Variants in ERN1 observed in about 807,000 individuals in gnomAD.
The protein encoded by ERN1 is serine/threonine-protein kinase/endoribonuclease IRE1.
In ERN1, 39 loss-of-function variants were observed where a neutral mutation model predicts 113.1. The observed-to-expected ratio is 0.34, with a 90% CI of 0.27 to 0.45. The LOEUF is 0.45. Ranked by LOEUF, ERN1 falls within the 20% of genes least tolerant of loss-of-function variation. ERN1 has a pLI of 1.00. For missense variants in ERN1, 976 were observed against 1,274.8 expected (o/e 0.77, Z 3.57); for synonymous variants, 507 against 515.9 (o/e 0.98, Z 0.23).
At chr17:64,045,003 G>T in intron 20 of ERN1, 76 bp from the exon 21 acceptor site, 1 of 1,093,912 alleles carries the variant, frequency 9.1e-7, no homozygotes. Flanking sequence ...AATTCATGGG[G>T]TCCTGGGATT....
In ERN1 at chr17:64,054,029, T is replaced by C. The variant is rs987676104; in HGVS notation, c.1953+221A>G. On this transcript the variant is annotated intron_variant, in intron 15 of 21. Coordinates refer to ENST00000433197, the MANE Select transcript of ERN1 (RefSeq NM_001433.5). This position sits in a 1 kb window ranked among gnomAD's most constrained non-coding sequence, Gnocchi z 4.9. ...ATCACTGCTTACTGCAGCCTTGATC[T>C]CCCAGGCTCAAGCAATCTTCCCACC... is the stretch of plus-strand genomic sequence containing the variant. 6.3e-6 allele frequency: 3 copies of C among 476,414 alleles called. No individual in the cohort carries two copies. The highest frequency in any genetic ancestry group is 5.8e-5 in the African/African-American group (3 of 51,300). 29.5% of individuals were successfully genotyped at this position (476,414 alleles called of 1,614,324 possible). A position where few individuals can be genotyped will look rare whatever the true frequency, so the allele number is the denominator to read the frequency against.
intron 2 of ERN1, among the ~76,000 whole-genome samples, chr17:64,094,282 G>T (rs1914167977): frequency 6.6e-6 from 1 of 152,110 alleles, no homozygotes. Flanking sequence ...TCCTGCACTT[G>T]TCTCCATCTG....
chr17:64,094,626 CTTT>C (rs58195537), intron 2 of ERN1, among the ~76,000 whole-genome samples: 1 of 136,426 alleles, frequency 7.3e-6, no homozygotes, highest in Non-Finnish European at 1.6e-5. Flanking sequence ...CCCATCCTTT[CTTT>C]TTTTTTTTTT....
intron 2 of ERN1, among the ~76,000 whole-genome samples, chr17:64,093,927 T>C (rs1344130141): frequency 6.6e-6 from 1 of 152,154 alleles, no homozygotes; most frequent in Non-Finnish European, 1.5e-5. Flanking sequence ...GAGAAATCGA[T>C]GAAGGTATTT....
chr17:64,096,744 TTGAC>T (rs1283810915), intron 2 of ERN1, among the ~76,000 whole-genome samples: 1 of 152,216 alleles, frequency 6.6e-6, no homozygotes, highest in Non-Finnish European at 1.5e-5. Flanking sequence ...ATTCTTATGT[TTGAC>T]TAAGTAACGG....
intron 2 of ERN1, among the ~76,000 whole-genome samples, chr17:64,082,961 A>T (rs1913813980): frequency 1.3e-5 from 2 of 152,212 alleles, no homozygotes; most frequent in South Asian, 4.1e-4. Context: ...AGCCTCTTCA[A>T]AGCTGCAGCC....
intron 6 of ERN1, 55 bp from the exon 7 acceptor site, chr17:64,068,346 G>T: frequency 8.1e-7 from 1 of 1,228,956 alleles, no homozygotes. Flanking sequence ...AGTACCTACT[G>T]AGGTGTGGTC....
chr17:64,081,500 G>A (rs1258631985), intron 2 of ERN1, among the ~76,000 whole-genome samples: 1 of 152,170 alleles, frequency 6.6e-6, no homozygotes, highest in Non-Finnish European at 1.5e-5. Flanking sequence ...AGGCTTCTAA[G>A]AGGGCTAATA....
rs773655917 is a variant in ERN1 at position 64,086,637 on chromosome 17, C to CTTTTTTT, written c.176-5836_176-5830dup. The stretch of plus-strand genomic sequence containing the variant: ...CATTTCTTTTTTTTTCTTTTCTTTC[C>CTTTTTTT]TTTTTTTTTTTTTTTTTTTTTTTTT... On this transcript the variant is annotated intron_variant, in intron 2 of 21. Transcript: ENST00000433197. Among the ~76,000 whole-genome samples the CTTTTTTT allele has an allele frequency of 4.6e-3, 220 of 47,610 alleles. 59 individuals carry two copies. Among genetic ancestry groups the CTTTTTTT allele is most frequent in the African/African-American group, 5.1e-3 (62 of 12,270 alleles). The allele number at this position is 47,610 out of a possible 152,430, so 31.2% of individuals were successfully genotyped here.
intron 11 of ERN1, among the ~76,000 whole-genome samples, chr17:64,059,637 G>C (rs1287852459): frequency 6.6e-6 from 1 of 152,104 alleles, no homozygotes; most frequent in Admixed American, 6.5e-5. Context: ...CAGCAGATGA[G>C]AGAGAGAGGT....
At chr17:64,058,501 T>C (rs918266292) in intron 11 of ERN1, among the ~76,000 whole-genome samples, 5 of 152,162 alleles carry the variant, frequency 3.3e-5, no homozygotes, top group African/African-American at 4.8e-5. Flanking sequence ...ATCCCAAAAT[T>C]ATAATTTATT....
intron 7 of ERN1, 125 bp from the exon 8 acceptor site, chr17:64,067,057 C>T: frequency 1.0e-6 from 1 of 984,640 alleles, no homozygotes. Flanking sequence ...ATTCTCAGAT[C>T]TCCTCTGAGC....
chr17:64,114,070 TAAAA>T (rs10718636), intron 1 of ERN1, among the ~76,000 whole-genome samples: 3 of 112,430 alleles, frequency 2.7e-5, no homozygotes, highest in African/African-American at 3.2e-5. Flanking sequence ...AGGTAAATGC[TAAAA>T]AAAAAAAAAA....
At position 64,054,095 on chromosome 17, in the gene ERN1, A is replaced by C; in HGVS notation, c.1953+155T>G. The C allele has an allele frequency of 1.6e-6, 1 of 618,356 alleles. No homozygotes were observed. Among genetic ancestry groups the C allele is most frequent in the Non-Finnish European group, 2.7e-6 (1 of 365,214 alleles). 38.3% of individuals were successfully genotyped at this position (618,356 alleles called of 1,614,324 possible). On this transcript the variant is annotated intron_variant, in intron 15 of 21. Transcript: ENST00000433197. The surrounding 1 kb of genome is among the most constrained non-coding windows in gnomAD (Gnocchi z 4.9). The stretch of plus-strand genomic sequence containing the variant: ...GCTGGGGCTACAGGAACACATCGCT[A>C]GGCCTGGCTAATTTTTGGTTTCTTT...
rs140405072 is a variant in ERN1 at position 64,066,093 on chromosome 17, G to A, written c.842+578C>T. 2.2e-3 allele frequency among the ~76,000 whole-genome samples: 341 copies of A among 152,236 alleles called. 1 individual carries two copies. The highest frequency in any genetic ancestry group is 7.7e-3 in the African/African-American group (320 of 41,526). ...AGGCTTGGGGAGTTTAAGTGACTCG[G>A]TGATAGGCTATGAAGAGGGGGATGG... On this transcript the variant is annotated intron_variant, in intron 8 of 21. Transcript: ENST00000433197.
intron 2 of ERN1, among the ~76,000 whole-genome samples, chr17:64,095,140 A>G (rs1914194628): frequency 6.6e-6 from 1 of 152,174 alleles, no homozygotes; most frequent in Admixed American, 6.5e-5. Context: ...CATCATGAAT[A>G]CTACTGGAAA....
intron 1 of ERN1, among the ~76,000 whole-genome samples, chr17:64,102,498 G>C (rs930358649): frequency 2.0e-5 from 3 of 152,244 alleles, no homozygotes; most frequent in African/African-American, 7.2e-5. Context: ...ACTCGGAACA[G>C]TGTTATTCTC....
In ERN1 at chr17:64,093,048, A is replaced by G. The variant is rs139079682; in HGVS notation, c.175+5073T>C. Among the ~76,000 whole-genome samples, 306 of 152,338 alleles carry G rather than the reference A, an allele frequency of 2.0e-3. 3 individuals carry two copies. The highest frequency in any genetic ancestry group is 0.017 in the South Asian group (83 of 4,834). ...TTTTCTCTATTACGTATAATTTGCC[A>G]CTATGGTGTAAGAAACCACCATTTC... is the stretch of plus-strand genomic sequence containing the variant. On this transcript the variant is annotated intron_variant, in intron 2 of 21. Transcript: ENST00000433197.
intron 2 of ERN1, among the ~76,000 whole-genome samples, chr17:64,084,455 C>T (rs1368346769): frequency 6.6e-6 from 1 of 152,086 alleles, no homozygotes; most frequent in Non-Finnish European, 1.5e-5. Flanking sequence ...TAAATCCTGG[C>T]TCTGCCAATC....
Sources: gnomAD v4.1 joint callset for allele counts (sites outside exome capture counted in the v4.1 genomes callset) on GRCh38, gnomAD v4.1.1 for gene constraint, Gnocchi (gnomAD v3.1) non-coding constraint, MANE v1.5 for transcripts, NCBI Gene and HGNC (gene_info 2026-07-23, HGNC 2026-07-21) for gene names.